CMYA5: variants seen among roughly 807,000 people sequenced by gnomAD.
The protein encoded by CMYA5 is cardiomyopathy-associated protein 5.
CMYA5 carries 246 observed loss-of-function variants against 318.9 expected under a neutral mutation model. The observed-to-expected ratio is 0.77, with a 90% CI of 0.70 to 0.86. CMYA5 has a LOEUF of 0.86. Ranked by LOEUF, CMYA5 falls within the 40% of genes least tolerant of loss-of-function variation. The pLI, the probability that CMYA5 is intolerant of heterozygous loss-of-function variation, is 0.00. For synonymous variants in CMYA5, 1,641 were observed against 1,729.5 expected, an observed-to-expected ratio of 0.95 and a Z score of 1.27; for missense variants, 4,589 against 4,678.2, an observed-to-expected ratio of 0.98 and a Z score of 0.56.
rs775443884 is a variant in CMYA5 at position 79,735,578 on chromosome 5, T to C, written c.6813T>C (p.Asn2271=). 1.9e-6 allele frequency: 3 copies of C among 1,613,284 alleles called. No individual in the cohort carries two copies. Among genetic ancestry groups the C allele is most frequent in the Admixed American group, 3.3e-5 (2 of 59,878 alleles). Residue 2271 remains asparagine, a synonymous_variant, in exon 2 of 13, where the codon AAT becomes AAC. Transcript: ENST00000446378. ...AAGAAAAATCCATGATTTTATCAAA[T>C]GTAGAAGATTTACAACAGCCAAAAT... ...NVKEKSMILS[N]VEDLQQPKFI...
chr5:79,697,285 C>T (rs1461375122), intron 1 of CMYA5, among the ~76,000 whole-genome samples: 1 of 152,230 alleles, frequency 6.6e-6, no homozygotes, highest in East Asian at 1.9e-4. Context: ...AGCCTCCTTG[C>T]TCATTCCCCT....
chr5:79,736,846 T>C lies in CMYA5; in HGVS notation c.8081T>C (p.Val2694Ala). ...GGSVDITKET[V>A]KQGFQEKAVG... ...TCAGTAGATATCACAAAAGAAACTG[T>C]GAAACAAGGATTTCAAGAAAAGGCA... The change falls in exon 2 of 13, where the codon GTG becomes GCG. Residue 2694 changes from valine (V) to alanine (A), a missense_variant. Val to Ala is a moderately conservative substitution (Grantham distance 64, BLOSUM62 0). Coordinates refer to ENST00000446378, the MANE Select transcript of CMYA5 (RefSeq NM_153610.5). The C allele has an allele frequency of 6.2e-7, 1 of 1,604,108 alleles. No homozygotes were observed. Among genetic ancestry groups the C allele is most frequent in the Non-Finnish European group, 8.5e-7 (1 of 1,177,944 alleles).
chr5:79,791,290 T>C (rs979898734), intron 11 of CMYA5, among the ~76,000 whole-genome samples: 2 of 152,188 alleles, frequency 1.3e-5, no homozygotes, highest in Admixed American at 1.3e-4. Context: ...TTATTGGAAA[T>C]ATAAGCACAG....
intron 1 of CMYA5, among the ~76,000 whole-genome samples, chr5:79,701,937 C>T (rs1827181270): frequency 6.6e-6 from 1 of 151,738 alleles, no homozygotes; most frequent in Admixed American, 6.6e-5. Context: ...ACCATCCTGG[C>T]TAACACAGTG....
At chr5:79,705,465 C>T (rs1399863842) in intron 1 of CMYA5, among the ~76,000 whole-genome samples, 1 of 150,760 alleles carries the variant, frequency 6.6e-6, no homozygotes, top group Admixed American at 6.6e-5. Flanking sequence ...TCAATAATAA[C>T]CCTAACACTG....
rs765718292 is a variant in CMYA5, at chr5:79,739,150, G to A, written c.10385G>A (p.Ser3462Asn). The A allele has an allele frequency of 2.5e-6, 4 of 1,613,646 alleles. No homozygotes were observed. The highest frequency in any genetic ancestry group is 3.3e-5 in the Admixed American group (2 of 59,942). The change falls in exon 2 of 13, where the codon AGT becomes AAT. Residue 3462 changes from serine to asparagine, a missense_variant. Physicochemically the swap from Ser to Asn is conservative, Grantham distance 46. This residue lies in a region of CMYA5 where 2,431 missense variants were observed against 2,495.1 expected (regional missense o/e 0.97). Coordinates refer to ENST00000446378, the MANE Select transcript of CMYA5 (RefSeq NM_153610.5). ...GGAAAGGAATCCTTTGAGCACATCA[G>A]TGAAAATGAATTTGCGAGTGAGGCA... ...SQGKESFEHI[S>N]ENEFASEAEQ... is the part of the protein sequence containing the mutation.
intron 1 of CMYA5, among the ~76,000 whole-genome samples, chr5:79,703,444 C>G (rs903636982): frequency 6.6e-6 from 1 of 152,148 alleles, no homozygotes; most frequent in Admixed American, 6.5e-5. Context: ...TCTTACACAC[C>G]TTGGTATTTC....
At position 79,697,007 on chromosome 5, in the gene CMYA5, CA is replaced by C. The variant is rs77068414; in HGVS notation, c.149+6963del. Among the ~76,000 whole-genome samples, 806 of 137,102 alleles carry C rather than the reference CA, an allele frequency of 5.9e-3. 3 individuals are homozygous for C. The highest frequency in any genetic ancestry group is 0.018 in the African/African-American group (660 of 36,960). 89.9% of individuals were successfully genotyped at this position (137,102 alleles called of 152,430 possible). On this transcript the variant is annotated intron_variant, in intron 1 of 12. Coordinates refer to ENST00000446378, the MANE Select transcript of CMYA5 (RefSeq NM_153610.5). ...GGGCAAAAAGGGCAAAACTCCATCT[CA>C]AAAAAAAAAAATGTATTTACTGTAA...
At chr5:79,770,762 A>C (rs1400071991) in intron 9 of CMYA5, among the ~76,000 whole-genome samples, 1 of 152,160 alleles carries the variant, frequency 6.6e-6, no homozygotes, top group Non-Finnish European at 1.5e-5. Context: ...AAAGTGTGTT[A>C]TTTAAGCTCT....
intron 1 of CMYA5, among the ~76,000 whole-genome samples, chr5:79,695,109 C>T (rs1827042837): frequency 1.3e-5 from 2 of 152,162 alleles, no homozygotes; most frequent in African/African-American, 4.8e-5. Context: ...TCCATAGTCC[C>T]TGGATATTCT....
rs201896325 is a variant in CMYA5, at chr5:79,730,152, A to G, written c.1387A>G (p.Ile463Val). ...PDQEQPDLTS[I>V]ERAEPVSAKL... ...CCAAGAACAGCCGGACCTGACTTCA[A>G]TAGAAAGGGCAGAACCAGTCTCCGC... Residue 463 changes from isoleucine to valine, a missense_variant, in exon 2 of 13, where the codon ATA becomes GTA. This residue lies in a region of CMYA5 where 2,132 missense variants were observed against 2,131.3 expected (regional missense o/e 1.00). Coordinates refer to ENST00000446378, the MANE Select transcript of CMYA5 (RefSeq NM_153610.5). 68 of 1,613,806 alleles carry G rather than the reference A, an allele frequency of 4.2e-5. No homozygotes were observed. The Middle Eastern group carries it at 9.9e-4, about 23-fold the overall frequency.
Position 79,745,232 on chromosome 5 carries a change from G to C in CMYA5, c.10745G>C (p.Ser3582Thr). The C allele has an allele frequency of 6.4e-7, 1 of 1,573,356 alleles. No individual in the cohort carries two copies. Among genetic ancestry groups the C allele is most frequent in the Non-Finnish European group, 8.6e-7 (1 of 1,158,800 alleles). ...SFFNTIEENCSKNEKRLEEQN... is the reference protein window; with the variant it reads ...SFFNTIEENCTKNEKRLEEQN... Reference sequence around the variant, plus strand: ...CTTGTTTGTTTTCAGGAAAACTGTAGTAAAAATGAGAAAAGGCTAGAAGAA... The same window carrying C: ...CTTGTTTGTTTTCAGGAAAACTGTACTAAAAATGAGAAAAGGCTAGAAGAA... Residue 3582 changes from serine (S) to threonine (T), a missense_variant, in exon 4 of 13, where the codon AGT becomes ACT. Transcript: ENST00000446378.
rs759970208 is a variant in CMYA5 at position 79,793,481 on chromosome 5, A to G, written c.11834A>G (p.His3945Arg). The G allele has an allele frequency of 5.0e-6, 8 of 1,613,784 alleles. No individual in the cohort carries two copies. The South Asian group carries it at 8.8e-5, about 18-fold the overall frequency. Reference protein sequence around the residue: ...LGEELPSCGQHYWETTVTDCP... With the variant: ...LGEELPSCGQRYWETTVTDCP... ...GAGGAGCTGCCTTCCTGTGGCCAGC[A>G]TTACTGGGAAACCACAGTCACAGAC... is the stretch of plus-strand genomic sequence containing the variant. The change falls in exon 12 of 13, where the codon CAT becomes CGT. Residue 3945 changes from histidine to arginine, a missense_variant. Transcript: ENST00000446378.
Position 79,736,222 on chromosome 5 carries a change from G to A in CMYA5, c.7457G>A (p.Arg2486Lys), listed in dbSNP as rs1437252261. The change falls in exon 2 of 13, where the codon AGA becomes AAA. Residue 2486 changes from arginine (R) to lysine (K), a missense_variant. Arg to Lys is a conservative substitution (Grantham distance 26). Coordinates refer to ENST00000446378, the MANE Select transcript of CMYA5 (RefSeq NM_153610.5). ...KQNSVAPLEL[R>K]DSNEIGKTQI... ...AACTCTGTGGCCCCATTAGAGCTTA[G>A]AGATAGTAATGAAATAGGGAAGACA... is the stretch of plus-strand genomic sequence containing the variant. 6.2e-7 allele frequency: 1 copy of A among 1,613,528 alleles called. No homozygotes were observed. The highest frequency in any genetic ancestry group is 1.1e-5 in the South Asian group (1 of 91,022).
chr5:79,772,736 A>T (rs1026284917), intron 9 of CMYA5, among the ~76,000 whole-genome samples: 3 of 152,176 alleles, frequency 2.0e-5, no homozygotes, highest in African/African-American at 7.2e-5. Context: ...TTGGTTCTTT[A>T]ATGTAAGAGT....
rs1561218115 is a variant in CMYA5 at position 79,748,520 on chromosome 5, C to CTACCTAT, written c.10991+1407_10991+1408insTACCTAT. Among the ~76,000 whole-genome samples, 709 of 149,182 alleles carry CTACCTAT rather than the reference C, an allele frequency of 4.8e-3. 4 individuals carry two copies. The highest frequency in any genetic ancestry group is 5.9e-3 in the Non-Finnish European group (395 of 67,306). On this transcript the variant is annotated intron_variant, in intron 5 of 12. Transcript: ENST00000446378. ...CCCTATCTATCTATCTATCTATCTACCTATCTATCTATCTATCTATCTATC... is the reference window on the plus strand; with the variant it reads ...CCCTATCTATCTATCTATCTATCTACTACCTATCTATCTATCTATCTATCTATCTATC...
chr5:79,717,264 C>T (rs1309369422), intron 1 of CMYA5, among the ~76,000 whole-genome samples: 2 of 152,090 alleles, frequency 1.3e-5, no homozygotes, highest in Non-Finnish European at 2.9e-5. Flanking sequence ...GCTGTTGTTC[C>T]TCTGAAAACA....
chr5:79,764,162 C>T (rs539965362), intron 9 of CMYA5, among the ~76,000 whole-genome samples: 6 of 152,034 alleles, frequency 3.9e-5, no homozygotes, highest in African/African-American at 1.4e-4. Flanking sequence ...CCCCCCTGCC[C>T]CCAAAAAGGC....
chr5:79,775,687 C>T (rs772909505), intron 9 of CMYA5, among the ~76,000 whole-genome samples: 11 of 151,958 alleles, frequency 7.2e-5, no homozygotes, highest in Admixed American at 2.0e-4. Flanking sequence ...GGCTATTGAA[C>T]AAGATAATAG....
Sources: allele counts gnomAD v4.1 joint callset (sites outside exome capture counted in the v4.1 genomes callset), GRCh38; gene constraint gnomAD v4.1.1; regional missense constraint gnomAD v4.1.1; transcripts MANE v1.5; gene names NCBI Gene and HGNC (gene_info 2026-07-23, HGNC 2026-07-21).